SMC5: variants seen among roughly 807,000 people sequenced by gnomAD.
SMC5 encodes the protein structural maintenance of chromosomes 5.
SMC5 carries 88 observed loss-of-function variants against 148.3 expected under a neutral mutation model. The observed-to-expected ratio is 0.59, with a 90% CI of 0.50 to 0.71. SMC5 has a LOEUF of 0.71. SMC5 is among the 30% of genes least tolerant of loss of function. The pLI is 0.00. For missense variants in SMC5, 1,142 were observed against 1,298.9 expected (o/e 0.88, Z 1.86); for synonymous variants, 421 against 432.8 (o/e 0.97, Z 0.34).
intron 11 of SMC5, among the ~76,000 whole-genome samples, chr9:70,309,481 G>C (rs1415913722): frequency 6.6e-6 from 1 of 151,682 alleles, no homozygotes; most frequent in Non-Finnish European, 1.5e-5. Context: ...TTCAAACCCT[G>C]CCTCTACTTT....
chr9:70,276,979 T>C (rs2034611069), intron 3 of SMC5, among the ~76,000 whole-genome samples: 1 of 152,152 alleles, frequency 6.6e-6, no homozygotes, highest in South Asian at 2.1e-4. Flanking sequence ...TCAATGCATG[T>C]GATTGAAGAA....
intron 19 of SMC5, 120 bp from the exon 20 acceptor site, chr9:70,346,946 C>T (rs147354258): frequency 2.6e-6 from 2 of 775,296 alleles, no homozygotes; most frequent in Non-Finnish European, 4.2e-6. Flanking sequence ...CCTTTGTATT[C>T]TTGTGTGCCA....
chr9:70,302,955 C>G (rs944974617), intron 10 of SMC5, among the ~76,000 whole-genome samples: 1 of 152,162 alleles, frequency 6.6e-6, no homozygotes, highest in Admixed American at 6.5e-5. Flanking sequence ...TGGGGCCAGG[C>G]ATGTTGGCTC....
At position 70,350,370 on chromosome 9, in the gene SMC5, G is replaced by A. The variant is rs572014374; in HGVS notation, c.3070-6G>A. 6.2e-7 allele frequency: 1 copy of A among 1,610,362 alleles called. No homozygotes were observed. Among genetic ancestry groups the A allele is most frequent in the African/African-American group, 1.3e-5 (1 of 74,868 alleles). ...AAATGTAATCATTATTGTTGCCATT[G>A]TTTAGGGAATGGACCCAATCAATGA... On this transcript the variant is annotated splice_polypyrimidine_tract_variant and splice_region_variant and intron_variant, in intron 23 of 24. Coordinates refer to ENST00000361138, the MANE Select transcript of SMC5 (RefSeq NM_015110.4).
intron 3 of SMC5, among the ~76,000 whole-genome samples, chr9:70,269,675 G>A (rs1268955911): frequency 2.0e-5 from 3 of 152,160 alleles, no homozygotes; most frequent in African/African-American, 7.2e-5. Context: ...AAGTTTACAA[G>A]TTGATTCTAA....
At chr9:70,278,937 C>T (rs2034672313) in intron 5 of SMC5, among the ~76,000 whole-genome samples, 1 of 152,084 alleles carries the variant, frequency 6.6e-6, no homozygotes, top group Admixed American at 6.5e-5. Context: ...TATTAAACAC[C>T]TACTATGTGC....
intron 17 of SMC5, among the ~76,000 whole-genome samples, chr9:70,338,247 G>A (rs1295008935): frequency 1.3e-5 from 2 of 151,944 alleles, no homozygotes; most frequent in African/African-American, 4.8e-5. Flanking sequence ...CTAACCTCAA[G>A]CAGTCTTCCC....
At chr9:70,287,590 A>G (rs780290043) in intron 8 of SMC5, among the ~76,000 whole-genome samples, 9 of 152,122 alleles carry the variant, frequency 5.9e-5, no homozygotes, top group African/African-American at 9.7e-5. Flanking sequence ...GCATGGTGTT[A>G]ATCTCCTAGT....
chr9:70,294,678 T>C (rs1015013926), intron 8 of SMC5, among the ~76,000 whole-genome samples: 1 of 152,132 alleles, frequency 6.6e-6, no homozygotes, highest in Non-Finnish European at 1.5e-5. Flanking sequence ...AGAAGTGGTA[T>C]GATTTGGGGG....
chr9:70,297,983 G>C lies in SMC5; in HGVS notation c.1071G>C (p.Gln357His), dbSNP rs1256802348. The C allele has an allele frequency of 6.2e-7, 1 of 1,613,026 alleles. No homozygotes were observed. ...RKDKHIEELQ[Q>H]ALIVKQNEEL... ...TTTATTAGATTGAGGAACTTCAGCA[G>C]GCTTTAATAGTAAAGCAAAATGAAG... Residue 357 changes from glutamine to histidine, a missense_variant, in exon 9 of 25, where the codon CAG becomes CAC. Gln to His is a conservative substitution (Grantham distance 24). Coordinates refer to ENST00000361138, the MANE Select transcript of SMC5 (RefSeq NM_015110.4).
At chr9:70,315,127 A>G (rs2035761610) in intron 12 of SMC5, among the ~76,000 whole-genome samples, 1 of 152,064 alleles carries the variant, frequency 6.6e-6, no homozygotes, top group Non-Finnish European at 1.5e-5. Context: ...TGCAGAAACA[A>G]TTTCCAAAAG....
intron 10 of SMC5, 28 bp from the exon 11 acceptor site, chr9:70,305,219 T>C: frequency 9.5e-7 from 1 of 1,048,596 alleles, no homozygotes; most frequent in Non-Finnish European, 1.4e-6. Context: ...TTTCATGAAA[T>C]TCGACCTTTT....
Position 70,352,384 on chromosome 9 carries a change from A to G in SMC5, c.*53A>G. The G allele has an allele frequency of 1.3e-6, 2 of 1,515,734 alleles. No homozygotes were observed. The highest frequency in any genetic ancestry group is 1.8e-6 in the Non-Finnish European group (2 of 1,123,690). The allele number at this position is 1,515,734 out of a possible 1,614,324, so 93.9% of individuals were successfully genotyped here. A position where few individuals can be genotyped will look rare whatever the true frequency, so the allele number is the denominator to read the frequency against. ...TTTTTTTTGTTAAATTCTGTTTATA[A>G]GTATGGCTCAACTGAATAAAAGGAG... is the stretch of plus-strand genomic sequence containing the variant. On this transcript the variant is annotated 3_prime_UTR_variant, in exon 25 of 25. Transcript: ENST00000361138.
At position 70,278,580 on chromosome 9, in the gene SMC5, T is replaced by C. The variant is rs768306620; in HGVS notation, c.633T>C (p.Tyr211=). 6 of 1,611,992 alleles carry C rather than the reference T, an allele frequency of 3.7e-6. No homozygotes were observed. Among genetic ancestry groups the C allele is most frequent in the African/African-American group, 1.3e-5 (1 of 74,878 alleles). The part of the protein sequence containing the change: ...KSIGPPEMHK[Y]HCELKNLREK... ...TTGGTCCCCCAGAAATGCACAAATA[T>C]CACTGTGAACTCAAAAACTTAAGGG... The change falls in exon 5 of 25, where the codon TAT becomes TAC. Residue 211 remains tyrosine (Y), a synonymous_variant. Coordinates refer to ENST00000361138, the MANE Select transcript of SMC5 (RefSeq NM_015110.4).
chr9:70,286,170 T>TGG, intron 7 of SMC5, 30 bp from the exon 8 acceptor site: 2 of 1,397,196 alleles, frequency 1.4e-6, no homozygotes, highest in Non-Finnish European at 2.0e-6. Context: ...TAACTAGCTG[T>TGG]CCCCCCCTCT....
intron 2 of SMC5, among the ~76,000 whole-genome samples, chr9:70,267,532 G>T (rs1412501550): frequency 6.6e-6 from 1 of 152,130 alleles, no homozygotes; most frequent in East Asian, 1.9e-4. Context: ...GTGCTTAGTG[G>T]TTATACTATA....
At chr9:70,278,288 A>G (rs1243395279) in intron 4 of SMC5, among the ~76,000 whole-genome samples, 1 of 152,114 alleles carries the variant, frequency 6.6e-6, no homozygotes, top group Non-Finnish European at 1.5e-5. Context: ...TGGCACAGAA[A>G]ATTTTTAAAG....
At chr9:70,310,367 A>G (rs2035625387) in intron 11 of SMC5, among the ~76,000 whole-genome samples, 1 of 152,132 alleles carries the variant, frequency 6.6e-6, no homozygotes, top group Non-Finnish European at 1.5e-5. Context: ...CTCTTGGGTG[A>G]CTAGGTACAT....
intron 18 of SMC5, 77 bp from the exon 19 acceptor site, chr9:70,346,528 A>G (rs1409956669): frequency 2.9e-6 from 4 of 1,401,198 alleles, no homozygotes; most frequent in Non-Finnish European, 4.0e-6. Context: ...TTAGTTCTTC[A>G]TAAGTGCAGT....
Sources: gnomAD v4.1 joint callset for allele counts (sites outside exome capture counted in the v4.1 genomes callset) on GRCh38, gnomAD v4.1.1 for gene constraint, MANE v1.5 for transcripts, NCBI Gene and HGNC (gene_info 2026-07-23, HGNC 2026-07-21) for gene names.